Variants in PDE4B observed in about 807,000 individuals in gnomAD.
PDE4B encodes phosphodiesterase 4B.
In PDE4B, 20 loss-of-function variants were observed where a neutral mutation model predicts 82.2. The observed-to-expected ratio is 0.24, with a 90% confidence interval of 0.17 to 0.35. The LOEUF (loss-of-function observed/expected upper bound fraction) is 0.35. PDE4B is among the 10% of genes least tolerant of loss of function. The probability of loss-of-function intolerance (pLI) is 1.00; values close to 1 mark genes in which losing one functional copy is unlikely to be tolerated. For synonymous variants in PDE4B, 320 were observed against 318.9 expected (o/e 1.00, Z -0.04); for missense variants, 655 against 907.2 (o/e 0.72, Z 3.57).
chr1:66,015,562 G>C (rs1466784031), intron 3 of PDE4B, among the ~76,000 whole-genome samples: 1 of 150,996 alleles, frequency 6.6e-6, no homozygotes, highest in East Asian at 1.9e-4. Context: ...CAAGCCATGA[G>C]AACATTTGGA....
At chr1:65,893,737 A>G (rs1400831269) in intron 1 of PDE4B, among the ~76,000 whole-genome samples, 2 of 152,112 alleles carry the variant, frequency 1.3e-5, no homozygotes, top group African/African-American at 4.8e-5. Flanking sequence ...TATGGAATCA[A>G]CCTAAGTACC....
At chr1:66,065,047 A>C (rs566048588) in intron 3 of PDE4B, among the ~76,000 whole-genome samples, 3 of 151,944 alleles carry the variant, frequency 2.0e-5, no homozygotes, top group Admixed American at 6.6e-5. Context: ...GTACTTCTTT[A>C]GATTTCTGCG....
intron 3 of PDE4B, among the ~76,000 whole-genome samples, chr1:65,953,735 A>C (rs1649117163): frequency 6.6e-6 from 1 of 152,146 alleles, no homozygotes; most frequent in Admixed American, 6.6e-5. Flanking sequence ...ATAACAGTAC[A>C]ATTTTTAAAA....
chr1:65,933,376 A>G (rs1362030843), intron 3 of PDE4B, among the ~76,000 whole-genome samples: 1 of 152,064 alleles, frequency 6.6e-6, no homozygotes, highest in African/African-American at 2.4e-5. Flanking sequence ...TCTCCTTCAA[A>G]AATAGAGACT....
intron 7 of PDE4B, among the ~76,000 whole-genome samples, chr1:66,310,255 A>G (rs1187609071): frequency 6.6e-6 from 1 of 152,192 alleles, no homozygotes; most frequent in African/African-American, 2.4e-5. Context: ...CAGAAGAACT[A>G]GGGCTCATAG....
intron 3 of PDE4B, among the ~76,000 whole-genome samples, chr1:66,001,216 G>C (rs191612361): frequency 6.6e-6 from 1 of 152,276 alleles, no homozygotes; most frequent in African/African-American, 2.4e-5. Flanking sequence ...CACTGGTAGT[G>C]AACATTTAAA....
At position 66,247,490 on chromosome 1, in the gene PDE4B, T is replaced by C. The variant is rs770166250; in HGVS notation, c.312T>C (p.Gly104=). 1 of 1,593,300 alleles carries C rather than the reference T, an allele frequency of 6.3e-7. No individual in the cohort carries two copies. Among genetic ancestry groups the C allele is most frequent in the East Asian group, 2.2e-5 (1 of 44,678 alleles). Residue 104 remains glycine, a synonymous_variant, in exon 4 of 17, where the codon GGT becomes GGC. Coordinates refer to ENST00000341517, the MANE Select transcript of PDE4B (RefSeq NM_002600.4). Reference sequence around the variant, plus strand: ...ATGTGGAAAATGGCCCTTCCCCAGGTCGGAGTCCACTGGATCCCCAGGCCA... The same window carrying C: ...ATGTGGAAAATGGCCCTTCCCCAGGCCGGAGTCCACTGGATCCCCAGGCCA... The part of the protein sequence containing the change: ...CFDVENGPSP[G]RSPLDPQASS...
intron 3 of PDE4B, among the ~76,000 whole-genome samples, chr1:65,972,986 T>G (rs1446942267): frequency 6.6e-6 from 1 of 152,198 alleles, no homozygotes; most frequent in Non-Finnish European, 1.5e-5. Context: ...TTAGGTAAAG[T>G]TGTTGGAGCA....
intron 7 of PDE4B, among the ~76,000 whole-genome samples, chr1:66,276,175 A>T (rs1364381085): frequency 6.6e-6 from 1 of 152,124 alleles, no homozygotes; most frequent in Non-Finnish European, 1.5e-5. Flanking sequence ...TGCTTATTCC[A>T]TTTCTGGTAT....
At chr1:66,187,957 C>A (rs976399969) in intron 3 of PDE4B, among the ~76,000 whole-genome samples, 2 of 150,122 alleles carry the variant, frequency 1.3e-5, no homozygotes, top group African/African-American at 4.9e-5. Flanking sequence ...TTCCTGCTTT[C>A]TCTTGTGGGC....
intron 3 of PDE4B, among the ~76,000 whole-genome samples, chr1:65,925,323 A>G (rs1647438381): frequency 6.6e-6 from 1 of 152,152 alleles, no homozygotes; most frequent in Non-Finnish European, 1.5e-5. Context: ...TGTACCCCGG[A>G]ACTGAAAATT....
At chr1:66,250,732 A>G (rs1161281134) in intron 4 of PDE4B, among the ~76,000 whole-genome samples, 1 of 152,176 alleles carries the variant, frequency 6.6e-6, no homozygotes, top group Non-Finnish European at 1.5e-5. Context: ...TGGGAACATA[A>G]AGTACTGGAA....
chr1:66,142,182 G>A (rs1400623474), intron 3 of PDE4B, among the ~76,000 whole-genome samples: 2 of 152,110 alleles, frequency 1.3e-5, no homozygotes, highest in South Asian at 2.1e-4. Flanking sequence ...GGTTGAGGAG[G>A]AAGAGGAAGG....
At chr1:66,161,024 A>C (rs1451549808) in intron 3 of PDE4B, among the ~76,000 whole-genome samples, 1 of 149,944 alleles carries the variant, frequency 6.7e-6, no homozygotes, top group African/African-American at 2.5e-5. Flanking sequence ...AAATACCCAG[A>C]AACAACCAGT....
chr1:66,082,606 T>C (rs1656797654), intron 3 of PDE4B, among the ~76,000 whole-genome samples: 1 of 151,006 alleles, frequency 6.6e-6, no homozygotes, highest in Non-Finnish European at 1.5e-5. Context: ...ATAGTACTAG[T>C]ATCTACTGTA....
intron 9 of PDE4B, chr1:66,360,424 C>A (rs911972892): frequency 6.6e-6 from 1 of 152,106 alleles, no homozygotes; most frequent in Non-Finnish European, 1.5e-5. Context: ...TGTGACTGTG[C>A]CATTATCTGC....
intron 3 of PDE4B, among the ~76,000 whole-genome samples, chr1:65,973,253 G>C (rs936373918): frequency 6.6e-6 from 1 of 151,890 alleles, no homozygotes; most frequent in Admixed American, 6.6e-5. Flanking sequence ...ACTAATGTAG[G>C]TACTCAAACT....
chr1:66,319,672 A>G (rs1177746806), intron 7 of PDE4B, among the ~76,000 whole-genome samples: 2 of 152,240 alleles, frequency 1.3e-5, no homozygotes, highest in Non-Finnish European at 2.9e-5. Context: ...TGACCAGAAG[A>G]CATGAAAATT....
intron 1 of PDE4B, among the ~76,000 whole-genome samples, chr1:65,907,475 A>ATT (rs1362961027): frequency 2.0e-5 from 3 of 152,132 alleles, no homozygotes; most frequent in Admixed American, 6.6e-5. Flanking sequence ...GTGGATAACT[A>ATT]GAGCTAGGTG....
Sources: allele counts gnomAD v4.1 joint callset (sites outside exome capture counted in the v4.1 genomes callset), GRCh38; gene constraint gnomAD v4.1.1; transcripts MANE v1.5; gene names NCBI Gene and HGNC (gene_info 2026-07-23, HGNC 2026-07-21).